FKBP5: variants seen among roughly 807,000 people sequenced by gnomAD.
FKBP5 encodes FKBP prolyl isomerase 5, also known as peptidyl-prolyl cis-trans isomerase FKBP5.
A neutral mutation model predicts 50.5 loss-of-function variants in FKBP5; 23 were observed. The observed-to-expected ratio is 0.46, with a 90% CI of 0.33 to 0.65. The LOEUF (loss-of-function observed/expected upper bound fraction) is 0.65, where lower values mean the gene tolerates loss of function less well. FKBP5 is among the 30% of genes least tolerant of loss of function. FKBP5 has a pLI of 0.02. For missense variants in FKBP5, 411 were observed against 553.1 expected (o/e 0.74, Z 2.58); for synonymous variants, 176 against 190.6 (o/e 0.92, Z 0.63).
intron 5 of FKBP5, among the ~76,000 whole-genome samples, chr6:35,617,233 G>A (rs927119028): frequency 3.9e-5 from 6 of 152,188 alleles, no homozygotes; most frequent in Non-Finnish European, 5.9e-5. Context: ...TGCCAGACTC[G>A]TAGAAATGAA....
chr6:35,610,914 T>A (rs1763473161), intron 5 of FKBP5, among the ~76,000 whole-genome samples: 1 of 152,188 alleles, frequency 6.6e-6, no homozygotes, highest in Admixed American at 6.6e-5. Context: ...TAGGTAATTC[T>A]AAATTCAGGA....
chr6:35,702,511 GGCAT>G (rs1206619644), intron 2 of FKBP5, among the ~76,000 whole-genome samples: 1 of 150,858 alleles, frequency 6.6e-6, no homozygotes, highest in African/African-American at 2.4e-5. Context: ...GGAGTGCAGT[GGCAT>G]GATCTCGGCT....
At chr6:35,635,026 C>CAAAAA (rs35794477) in intron 3 of FKBP5, among the ~76,000 whole-genome samples, 2 of 75,118 alleles carry the variant, frequency 2.7e-5, no homozygotes, top group African/African-American at 1.1e-4. Context: ...CCTGTCTCTA[C>CAAAAA]AAAAAAAAAA....
chr6:35,595,778 T>C (rs1157867171), intron 6 of FKBP5, among the ~76,000 whole-genome samples: 1 of 151,926 alleles, frequency 6.6e-6, no homozygotes, highest in Non-Finnish European at 1.5e-5. Context: ...TAGAGATTAT[T>C]TGGATATGGA....
intron 1 of FKBP5, among the ~76,000 whole-genome samples, chr6:35,723,681 C>T (rs1156387522): frequency 6.6e-6 from 1 of 152,114 alleles, no homozygotes; most frequent in Non-Finnish European, 1.5e-5. Flanking sequence ...CAAAATGTGC[C>T]CATGAGAGCC....
At chr6:35,604,292 AGCCACCATG>A (rs1763239846) in intron 5 of FKBP5, among the ~76,000 whole-genome samples, 1 of 152,198 alleles carries the variant, frequency 6.6e-6, no homozygotes, top group East Asian at 1.9e-4. Context: ...TACAAGCGTG[AGCCACCATG>A]GCTGGCCAGA....
intron 1 of FKBP5, among the ~76,000 whole-genome samples, chr6:35,671,598 G>C (rs1416301341): frequency 6.6e-6 from 1 of 151,916 alleles, no homozygotes; most frequent in Non-Finnish European, 1.5e-5. Context: ...CAGAATTGCA[G>C]GGTAAATACC....
At chr6:35,638,359 T>C (rs1244675996) in intron 2 of FKBP5, among the ~76,000 whole-genome samples, 2 of 152,204 alleles carry the variant, frequency 1.3e-5, no homozygotes, top group Non-Finnish European at 2.9e-5. Context: ...AACATAAATA[T>C]CACATAAACA....
chr6:35,605,689 C>T (rs570845512), intron 5 of FKBP5, among the ~76,000 whole-genome samples: 10 of 152,022 alleles, frequency 6.6e-5, no homozygotes, highest in Non-Finnish European at 1.0e-4. Flanking sequence ...TGAACCACTG[C>T]ACCCAGCCGT....
intron 1 of FKBP5, among the ~76,000 whole-genome samples, chr6:35,674,689 T>C (rs1765481103): frequency 1.3e-5 from 2 of 152,242 alleles, no homozygotes. Flanking sequence ...TCAACAATCC[T>C]AGGCGAGAGA....
chr6:35,724,854 C>T (rs1766671587), intron 1 of FKBP5, among the ~76,000 whole-genome samples: 1 of 152,042 alleles, frequency 6.6e-6, no homozygotes, highest in Non-Finnish European at 1.5e-5. Context: ...GTTTCCTTAA[C>T]TGTCAAAGAC....
intron 2 of FKBP5, among the ~76,000 whole-genome samples, chr6:35,639,501 G>A (rs1441490058): frequency 1.3e-5 from 2 of 152,144 alleles, no homozygotes; most frequent in East Asian, 3.8e-4. Context: ...CATGTTCTCT[G>A]GGCATGGGCA....
intron 1 of FKBP5, among the ~76,000 whole-genome samples, chr6:35,723,238 A>G (rs1024047472): frequency 6.6e-6 from 1 of 152,086 alleles, no homozygotes; most frequent in Non-Finnish European, 1.5e-5. Flanking sequence ...ATCTCAAAAA[A>G]TAAATAAATA....
intron 5 of FKBP5, among the ~76,000 whole-genome samples, chr6:35,615,751 TACAAA>T (rs1195385550): frequency 1.3e-5 from 2 of 152,176 alleles, no homozygotes; most frequent in Admixed American, 6.5e-5. Flanking sequence ...AAAGTTGTGA[TACAAA>T]ACAAGATAGT....
intron 5 of FKBP5, among the ~76,000 whole-genome samples, chr6:35,606,994 G>A (rs1763343417): frequency 6.6e-6 from 1 of 152,168 alleles, no homozygotes; most frequent in Non-Finnish European, 1.5e-5. Flanking sequence ...AGGCTGGACT[G>A]CAGTGGCAGA....
At chr6:35,623,824 C>T (rs1561863317) in intron 3 of FKBP5, among the ~76,000 whole-genome samples, 1 of 151,380 alleles carries the variant, frequency 6.6e-6, no homozygotes, top group Admixed American at 6.6e-5. Context: ...TCAAGAGAAT[C>T]TCCTGCCTCT....
At chr6:35,723,712 G>C (rs1433545784) in intron 1 of FKBP5, among the ~76,000 whole-genome samples, 1 of 152,212 alleles carries the variant, frequency 6.6e-6, no homozygotes, top group Non-Finnish European at 1.5e-5. Flanking sequence ...GATTGCCAGA[G>C]ACCAGGACAG....
rs76042921 is a variant in FKBP5 at position 35,576,945 on chromosome 6, G to A, written c.1266+49C>T. The A allele has an allele frequency of 1.9e-3, 3,026 of 1,598,276 alleles. 20 individuals are homozygous for A. In the African/African-American group the frequency reaches 0.022, roughly 12 times the overall value. ...GTTCCTGTCCCCTAAAATCAAAGGG[G>A]CATGGTCAGGCTCTTGATCCACCTG... On this transcript the variant is annotated intron_variant, in intron 10 of 10. Coordinates refer to ENST00000357266, the MANE Select transcript of FKBP5 (RefSeq NM_004117.4).
intron 1 of FKBP5, among the ~76,000 whole-genome samples, chr6:35,653,181 C>T (rs1764859813): frequency 6.6e-6 from 1 of 152,070 alleles, no homozygotes; most frequent in Non-Finnish European, 1.5e-5. Context: ...TAACAAACAC[C>T]TCATCTTCAC....
Sources: allele counts gnomAD v4.1 joint callset (sites outside exome capture counted in the v4.1 genomes callset), GRCh38; gene constraint gnomAD v4.1.1; transcripts MANE v1.5; gene names NCBI Gene and HGNC (gene_info 2026-07-23, HGNC 2026-07-21).